Variants in CAST observed in about 807,000 individuals in gnomAD.
CAST encodes the protein MIR583 host.
In CAST, 76 loss-of-function variants were observed where a neutral mutation model predicts 119.6. The observed-to-expected ratio is 0.64, with a 90% CI of 0.53 to 0.77. The LOEUF is 0.77. Among genes scored for constraint, CAST ranks in the 30% least tolerant of loss-of-function variants. The probability of loss-of-function intolerance (pLI) is 0.00; values close to 1 mark genes in which losing one functional copy is unlikely to be tolerated. For missense variants in CAST, 953 were observed against 946.5 expected (o/e 1.01, Z -0.09); for synonymous variants, 319 against 331.6 (o/e 0.96, Z 0.41).
chr5:96,147,212 G>A, the CAST span, among the ~76,000 whole-genome samples: 1 of 152,108 alleles, frequency 6.6e-6, no homozygotes, highest in Non-Finnish European at 1.5e-5. Flanking sequence ...ATAATTTATG[G>A]TTTTATTCGT....
At chr5:96,528,806 T>TG (rs1745640115), upstream of CAST, among the ~76,000 whole-genome samples, 1 of 152,246 alleles carries the variant, frequency 6.6e-6, no homozygotes, top group Non-Finnish European at 1.5e-5. Flanking sequence ...CTTGTAGTGA[T>TG]GACTAGACCA....
chr5:96,560,047 T>C (rs1476944398), intron 1 of CAST, among the ~76,000 whole-genome samples: 1 of 151,946 alleles, frequency 6.6e-6, no homozygotes, highest in Middle Eastern at 3.2e-3. Context: ...TCAGAAATAA[T>C]GCCACATATC....
chr5:96,090,463 C>T, the CAST span, among the ~76,000 whole-genome samples: 1 of 152,088 alleles, frequency 6.6e-6, no homozygotes, highest in East Asian at 1.9e-4. Context: ...TAGCTTCACA[C>T]TTCTTAGTGG....
At chr5:95,961,499 C>T in the CAST span, 2 of 1,366,402 alleles carry the variant, frequency 1.5e-6, no homozygotes, top group Non-Finnish European at 1.9e-6. Context: ...TCCGCCGGCC[C>T]CGCACCCGGG....
the CAST span, among the ~76,000 whole-genome samples, chr5:96,155,755 A>G: frequency 6.6e-6 from 1 of 152,088 alleles, no homozygotes; most frequent in Admixed American, 6.6e-5. Context: ...CCTCCCAGCT[A>G]TGTGAGACCC....
At chr5:96,182,468 G>A in the CAST span, among the ~76,000 whole-genome samples, 1,200 of 152,312 alleles carry the variant, frequency 7.9e-3, 18 homozygotes, top group African/African-American at 0.027. Flanking sequence ...ATTACAGTGC[G>A]AGGTGGGTGT....
the CAST span, among the ~76,000 whole-genome samples, chr5:96,379,132 C>T: frequency 6.6e-6 from 1 of 152,096 alleles, no homozygotes; most frequent in African/African-American, 2.4e-5. Context: ...AATTAGGAAT[C>T]TTTATGAGCT....
chr5:96,111,467 C>T, the CAST span, among the ~76,000 whole-genome samples: 1 of 152,244 alleles, frequency 6.6e-6, no homozygotes, highest in South Asian at 2.1e-4. Flanking sequence ...CTCCTCTTCC[C>T]TCCCCAGATG....
At chr5:96,107,415 C>T in the CAST span, among the ~76,000 whole-genome samples, 1 of 151,528 alleles carries the variant, frequency 6.6e-6, no homozygotes, top group South Asian at 2.1e-4. Context: ...TTAGGGCGGG[C>T]CTGGTGGTGA....
At chr5:96,129,531 G>A in the CAST span, among the ~76,000 whole-genome samples, 2 of 152,064 alleles carry the variant, frequency 1.3e-5, no homozygotes, top group African/African-American at 4.8e-5. Flanking sequence ...TTCTCATCAG[G>A]AACTGTCATG....
the CAST span, among the ~76,000 whole-genome samples, chr5:96,021,209 T>C: frequency 6.6e-6 from 1 of 152,174 alleles, no homozygotes; most frequent in East Asian, 1.9e-4. Flanking sequence ...ATAGGATGAA[T>C]GAAGAGAGGT....
At chr5:96,087,593 T>A in the CAST span, among the ~76,000 whole-genome samples, 77 of 152,298 alleles carry the variant, frequency 5.1e-4, no homozygotes, top group Non-Finnish European at 7.9e-4. Context: ...TGTTCCAAAT[T>A]ATTTTTTTCT....
the CAST span, among the ~76,000 whole-genome samples, chr5:96,497,606 T>G: frequency 5.3e-5 from 8 of 151,726 alleles, no homozygotes; most frequent in South Asian, 2.1e-4. Flanking sequence ...TTTCTCTGAT[T>G]GCCAGTGATG....
chr5:96,167,324 T>A, the CAST span, among the ~76,000 whole-genome samples: 2 of 152,080 alleles, frequency 1.3e-5, no homozygotes, highest in African/African-American at 4.8e-5. Flanking sequence ...GGCATTTATG[T>A]GTAGTTGAGA....
At chr5:96,367,800 G>T in the CAST span, among the ~76,000 whole-genome samples, 1 of 151,944 alleles carries the variant, frequency 6.6e-6, no homozygotes, top group Admixed American at 6.5e-5. Flanking sequence ...GCCCTGCTTT[G>T]GCTCACGCTC....
intron 3 of CAST, among the ~76,000 whole-genome samples, chr5:96,699,760 C>G (rs2150312873): frequency 1.3e-5 from 2 of 152,240 alleles, no homozygotes; most frequent in Admixed American, 1.3e-4. Flanking sequence ...ACTGATAAGG[C>G]AGGAAATTAT....
chr5:96,406,672 C>A, the CAST span, among the ~76,000 whole-genome samples: 1 of 152,236 alleles, frequency 6.6e-6, no homozygotes, highest in African/African-American at 2.4e-5. Flanking sequence ...CCAGTCATGG[C>A]AAAGGCCAAG....
Position 96,575,122 on chromosome 5 carries a change from T to C in CAST, c.60+45242T>C, listed in dbSNP as rs887046580. ...TATAATTTTCAAGATATAGATCCTA[T>C]AAAATATTTTGTCAAATGTATATTT... On this transcript the variant is annotated intron_variant, in intron 1 of 11. Coordinates refer to the CAST transcript ENST00000505143. Among the ~76,000 whole-genome samples, 8 of 152,166 alleles carry C rather than the reference T, an allele frequency of 5.3e-5. 1 individual carries two copies. The highest frequency in any genetic ancestry group is 1.0e-4 in the Non-Finnish European group (7 of 68,026).
the CAST span, among the ~76,000 whole-genome samples, chr5:95,979,923 G>T: frequency 6.6e-6 from 1 of 152,106 alleles, no homozygotes; most frequent in Non-Finnish European, 1.5e-5. Context: ...TTTGAGACCA[G>T]CCTGACCAAC....
Sources: allele counts gnomAD v4.1 joint callset (sites outside exome capture counted in the v4.1 genomes callset), GRCh38; gene constraint gnomAD v4.1.1; transcripts MANE v1.5; gene names NCBI Gene and HGNC (gene_info 2026-07-23, HGNC 2026-07-21).